SLCO5A1: variants seen among roughly 807,000 people sequenced by gnomAD.
The protein encoded by SLCO5A1 is organic anion transporter polypeptide-related protein 4.
A neutral mutation model predicts 65.1 loss-of-function variants in SLCO5A1; 39 were observed. The ratio of observed to expected loss-of-function variants is 0.60; its 90% CI spans 0.46 to 0.78. SLCO5A1 has a LOEUF of 0.78. Ranked by LOEUF, SLCO5A1 falls within the 30% of genes least tolerant of loss-of-function variation. The pLI is 0.00. For missense variants in SLCO5A1, 1,029 were observed against 1,069.4 expected (o/e 0.96, Z 0.53); for synonymous variants, 438 against 415.7 (o/e 1.05, Z -0.65).
chr8:69,700,490 T>A (rs1179568122), intron 6 of SLCO5A1: 1 of 151,648 alleles, frequency 6.6e-6, no homozygotes, highest in Admixed American at 6.6e-5. Flanking sequence ...CGAGAAAAAA[T>A]GGCAAGGAGA....
chr8:69,726,795 C>T (rs1816100991), intron 5 of SLCO5A1, among the ~76,000 whole-genome samples: 1 of 152,132 alleles, frequency 6.6e-6, no homozygotes, highest in Non-Finnish European at 1.5e-5. Flanking sequence ...GCCACCATGC[C>T]CGGCCTCTAC....
At chr8:69,770,579 C>T (rs143751332) in intron 2 of SLCO5A1, among the ~76,000 whole-genome samples, 1 of 152,228 alleles carries the variant, frequency 6.6e-6, no homozygotes, top group East Asian at 1.9e-4. Flanking sequence ...AGTTAAGAAG[C>T]CACTTATGAT....
At position 69,672,662 on chromosome 8, in the gene SLCO5A1, T is replaced by C. The variant is rs924256956; in HGVS notation, c.*207A>G. The C allele has an allele frequency of 1.0e-5, 6 of 593,438 alleles. No individual in the cohort carries two copies. Among genetic ancestry groups the C allele is most frequent in the African/African-American group, 5.6e-5 (3 of 53,852 alleles). 36.8% of individuals were successfully genotyped at this position (593,438 alleles called of 1,614,324 possible). ...GGAACAAATCTAGCTGAACGTCTCC[T>C]TCTTGGAGAGAAGCGGGGAAAGGCT... On this transcript the variant is annotated 3_prime_UTR_variant, in exon 10 of 10. Transcript: ENST00000260126.
At chr8:69,691,984 C>T (rs1258736904) in intron 6 of SLCO5A1, among the ~76,000 whole-genome samples, 3 of 152,204 alleles carry the variant, frequency 2.0e-5, no homozygotes, top group African/African-American at 7.2e-5. Context: ...CGCGGTGGCT[C>T]ACGCCTGTAA....
At chr8:69,673,411 G>T in intron 9 of SLCO5A1, 85 bp from the exon 10 acceptor site, 1 of 1,230,252 alleles carries the variant, frequency 8.1e-7, no homozygotes, top group Non-Finnish European at 1.1e-6. Context: ...AGGTACTTGT[G>T]TGCTCTAAAA....
At chr8:69,746,273 C>A (rs1258682238) in intron 4 of SLCO5A1, among the ~76,000 whole-genome samples, 1 of 152,070 alleles carries the variant, frequency 6.6e-6, no homozygotes, top group Non-Finnish European at 1.5e-5. Flanking sequence ...TATTGCCAGG[C>A]ATTTATCTCA....
intron 6 of SLCO5A1, chr8:69,704,781 A>C (rs112277633): frequency 4.2e-6 from 2 of 473,418 alleles, no homozygotes; most frequent in African/African-American, 1.9e-5. Flanking sequence ...TAAGCATTTC[A>C]TCCTCATCTG....
At chr8:69,704,547 T>C (rs920076447) in intron 6 of SLCO5A1, among the ~76,000 whole-genome samples, 3 of 152,110 alleles carry the variant, frequency 2.0e-5, no homozygotes, top group Non-Finnish European at 4.4e-5. Flanking sequence ...ATGTCTTAAA[T>C]AAAGAAGCCT....
At chr8:69,676,285 T>C (rs1275961439) in intron 9 of SLCO5A1, among the ~76,000 whole-genome samples, 1 of 152,110 alleles carries the variant, frequency 6.6e-6, no homozygotes, top group African/African-American at 2.4e-5. Flanking sequence ...CATAAAGGGG[T>C]CAAAATGCTA....
At chr8:69,715,519 C>G (rs2130820994) in intron 5 of SLCO5A1, among the ~76,000 whole-genome samples, 1 of 152,298 alleles carries the variant, frequency 6.6e-6, no homozygotes, top group South Asian at 2.1e-4. Context: ...CGAGACAGTT[C>G]ATCGTCATGA....
chr8:69,709,061 A>C (rs1815102996), intron 5 of SLCO5A1, among the ~76,000 whole-genome samples: 1 of 152,228 alleles, frequency 6.6e-6, no homozygotes. Flanking sequence ...AGTGTCATGC[A>C]GGTAGAAACC....
At chr8:69,701,124 T>C (rs111960107) in intron 6 of SLCO5A1, among the ~76,000 whole-genome samples, 89 of 152,138 alleles carry the variant, frequency 5.8e-4, no homozygotes, top group African/African-American at 2.1e-3. Flanking sequence ...TCTGAGCTCA[T>C]CAGATAAGTG....
At chr8:69,734,378 T>G (rs2130839781) in intron 5 of SLCO5A1, among the ~76,000 whole-genome samples, 1 of 152,344 alleles carries the variant, frequency 6.6e-6, no homozygotes, top group Middle Eastern at 3.4e-3. Context: ...TACTTTCCCT[T>G]AAAAACCTAG....
At chr8:69,787,040 C>G (rs10092393) in intron 2 of SLCO5A1, among the ~76,000 whole-genome samples, 2,140 of 152,272 alleles carry the variant, frequency 0.014, 40 homozygotes, top group African/African-American at 0.049. Flanking sequence ...GCAGCTGCCC[C>G]CTGCTGACTT....
chr8:69,828,617 G>A (rs1045832445), intron 2 of SLCO5A1, among the ~76,000 whole-genome samples: 1 of 151,404 alleles, frequency 6.6e-6, no homozygotes, highest in Admixed American at 6.6e-5. Context: ...AAAAAGAAAA[G>A]AAAAGAAAAG....
chr8:69,806,011 A>T (rs1057374367), intron 2 of SLCO5A1, among the ~76,000 whole-genome samples: 1 of 152,212 alleles, frequency 6.6e-6, no homozygotes, highest in Non-Finnish European at 1.5e-5. Flanking sequence ...GGATGCTTTT[A>T]AAAAATGCAG....
At chr8:69,804,504 C>T (rs538268157) in intron 2 of SLCO5A1, among the ~76,000 whole-genome samples, 2 of 152,110 alleles carry the variant, frequency 1.3e-5, no homozygotes, top group South Asian at 2.1e-4. Flanking sequence ...TTAGTAGAGG[C>T]GGGGTTTCAC....
chr8:69,678,162 A>C (rs2130785831), intron 8 of SLCO5A1, among the ~76,000 whole-genome samples: 1 of 152,378 alleles, frequency 6.6e-6, no homozygotes. Context: ...GGAATGTAAC[A>C]AAAGTCCACC....
chr8:69,752,935 G>A (rs1412411527), intron 4 of SLCO5A1, among the ~76,000 whole-genome samples: 1 of 152,122 alleles, frequency 6.6e-6, no homozygotes, highest in African/African-American at 2.4e-5. Context: ...TCTTATTCTC[G>A]TTTTTAAAAG....
Sources: allele counts gnomAD v4.1 joint callset (sites outside exome capture counted in the v4.1 genomes callset), GRCh38; gene constraint gnomAD v4.1.1; transcripts MANE v1.5; gene names NCBI Gene and HGNC (gene_info 2026-07-23, HGNC 2026-07-21).